Variants in BLTP3B observed in about 807,000 individuals in gnomAD.
BLTP3B encodes bridge-like lipid transfer protein family member 3B.
At chr12:100,053,385 G>T in the BLTP3B span, among the ~76,000 whole-genome samples, 1 of 152,050 alleles carries the variant, frequency 6.6e-6, no homozygotes, top group Admixed American at 6.6e-5. Context: ...TCCAACCTGG[G>T]CAACAGAGTG....
the BLTP3B span, among the ~76,000 whole-genome samples, chr12:100,080,780 TGA>T: frequency 0.062 from 9,464 of 152,126 alleles, 321 homozygotes; most frequent in Middle Eastern, 0.14. Context: ...TAGGAATGCA[TGA>T]TTGGTTTAGA....
chr12:100,050,430 G>A, the BLTP3B span: 1 of 956,512 alleles, frequency 1.0e-6, no homozygotes. Flanking sequence ...TGACCTACCA[G>A]ACCAAAAGTA....
chr12:100,037,269 A>T, the BLTP3B span: 1 of 988,892 alleles, frequency 1.0e-6, no homozygotes, highest in Non-Finnish European at 1.2e-6. Flanking sequence ...TCAATTCAGC[A>T]ATCTGTGTGA....
At chr12:100,058,229 A>G in the BLTP3B span, 1 of 1,612,654 alleles carries the variant, frequency 6.2e-7, no homozygotes, top group Non-Finnish European at 8.5e-7. Context: ...GTATATTCGA[A>G]TCTTCTCTGT....
chr12:100,037,693 C>A, the BLTP3B span: 2 of 1,611,350 alleles, frequency 1.2e-6, no homozygotes, highest in Non-Finnish European at 1.7e-6. Flanking sequence ...CCAAGTGAGC[C>A]TCTGCAAGAG....
the BLTP3B span, among the ~76,000 whole-genome samples, chr12:100,124,749 AAAT>A: frequency 2.7e-3 from 403 of 150,476 alleles, 1 homozygote; most frequent in African/African-American, 9.4e-3. Flanking sequence ...CCATCTCAAA[AAAT>A]AATAATAATA....
At chr12:100,135,506 T>C in the BLTP3B span, among the ~76,000 whole-genome samples, 1 of 152,040 alleles carries the variant, frequency 6.6e-6, no homozygotes, top group Non-Finnish European at 1.5e-5. Flanking sequence ...TGGCCTGAAG[T>C]GATCTGCCCG....
At chr12:100,044,181 A>G in the BLTP3B span, among the ~76,000 whole-genome samples, 1 of 152,094 alleles carries the variant, frequency 6.6e-6, no homozygotes, top group South Asian at 2.1e-4. Flanking sequence ...TCACAGACCT[A>G]AGCTATCCTC....
the BLTP3B span, among the ~76,000 whole-genome samples, chr12:100,075,836 GT>G: frequency 6.6e-6 from 1 of 152,134 alleles, no homozygotes; most frequent in East Asian, 1.9e-4. Flanking sequence ...TTATTAAAAA[GT>G]CAAAATACAG....
At chr12:100,039,230 T>A in the BLTP3B span, among the ~76,000 whole-genome samples, 1 of 151,364 alleles carries the variant, frequency 6.6e-6, no homozygotes, top group Non-Finnish European at 1.5e-5. Flanking sequence ...AATGATAGCA[T>A]ACCCAAAACC....
At chr12:100,092,636 A>G in the BLTP3B span, 1 of 152,678 alleles carries the variant, frequency 6.5e-6, no homozygotes, top group East Asian at 1.9e-4. Flanking sequence ...CTAGTTTCCT[A>G]ATATATATGT....
the BLTP3B span, among the ~76,000 whole-genome samples, chr12:100,087,373 T>C: frequency 5.3e-5 from 8 of 152,158 alleles, no homozygotes; most frequent in African/African-American, 1.9e-4. Flanking sequence ...CTATATTAAT[T>C]TGTAAAATCC....
At chr12:100,131,539 A>G in the BLTP3B span, among the ~76,000 whole-genome samples, 1 of 152,078 alleles carries the variant, frequency 6.6e-6, no homozygotes, top group Non-Finnish European at 1.5e-5. Context: ...TAATATGGAA[A>G]TTCAAAGTTT....
the BLTP3B span, among the ~76,000 whole-genome samples, chr12:100,079,578 G>A: frequency 6.6e-6 from 1 of 152,188 alleles, no homozygotes; most frequent in Non-Finnish European, 1.5e-5. Context: ...AAGGCAAGGA[G>A]AGTATAAAAG....
chr12:100,120,152 G>A, the BLTP3B span, among the ~76,000 whole-genome samples: 11 of 152,226 alleles, frequency 7.2e-5, no homozygotes, highest in East Asian at 9.7e-4. Flanking sequence ...CTAGGCGGGC[G>A]GATCACCTGA....
the BLTP3B span, among the ~76,000 whole-genome samples, chr12:100,127,405 C>T: frequency 6.6e-6 from 1 of 152,154 alleles, no homozygotes. Flanking sequence ...AGCATATAGC[C>T]AATAAGTTTC....
the BLTP3B span, chr12:100,057,798 C>T: frequency 6.8e-7 from 1 of 1,468,126 alleles, no homozygotes; most frequent in Non-Finnish European, 9.1e-7. Context: ...AGAATTCTAT[C>T]TAAAAAATAC....
the BLTP3B span, among the ~76,000 whole-genome samples, chr12:100,080,844 G>T: frequency 3.0e-4 from 46 of 152,250 alleles, no homozygotes; most frequent in African/African-American, 1.1e-3. Flanking sequence ...ATATGGTTTG[G>T]CTGTGTCCCC....
At chr12:100,047,685 A>T in the BLTP3B span, 4 of 1,357,416 alleles carry the variant, frequency 2.9e-6, no homozygotes, top group Non-Finnish European at 3.1e-6. Flanking sequence ...ATTCGGTCAT[A>T]TTTTTAATGA....
Sources: allele counts gnomAD v4.1 joint callset (sites outside exome capture counted in the v4.1 genomes callset), GRCh38; gene constraint gnomAD v4.1.1; transcripts MANE v1.5; gene names NCBI Gene and HGNC (gene_info 2026-07-23, HGNC 2026-07-21).